The following IGF2R variants were observed in gnomAD, a reference collection of about 807,000 sequenced individuals.
IGF2R encodes the protein cation-independent mannose-6-phosphate receptor.
IGF2R carries 91 observed loss-of-function variants against 270.6 expected under a neutral mutation model. That is an observed-to-expected ratio of 0.34 (90% CI 0.28 to 0.40). The LOEUF (loss-of-function observed/expected upper bound fraction) is 0.40. Among genes scored for constraint, IGF2R ranks in the 10% least tolerant of loss-of-function variants. The pLI, the probability that IGF2R is intolerant of heterozygous loss-of-function variation, is 1.00. For synonymous variants in IGF2R, 1,316 were observed against 1,258.9 expected (o/e 1.05, Z -0.96); for missense variants, 2,805 against 3,188.3 (o/e 0.88, Z 2.90).
At chr6:160,056,395 T>G in intron 19 of IGF2R, 29 bp from the exon 20 acceptor site, 1 of 1,448,568 alleles carries the variant, frequency 6.9e-7, no homozygotes, top group Admixed American at 1.7e-5. Flanking sequence ...GTTACTGTAT[T>G]GACTTTTACC....
intron 45 of IGF2R, among the ~76,000 whole-genome samples, chr6:160,101,611 C>G (rs1041202607): frequency 6.6e-6 from 1 of 152,248 alleles, no homozygotes; most frequent in East Asian, 1.9e-4. Context: ...AGATGCGCCC[C>G]GCTGGGGTTG....
At chr6:159,996,543 G>A (rs1316136757) in intron 2 of IGF2R, among the ~76,000 whole-genome samples, 1 of 152,214 alleles carries the variant, frequency 6.6e-6, no homozygotes, top group Non-Finnish European at 1.5e-5. Flanking sequence ...AGGGGTAGCT[G>A]TGTAGAAGGT....
Position 160,073,995 on chromosome 6 carries a change from G to T in IGF2R, c.5166+20G>T. ...CCCATAGTAAGTATGACAAATCCAA[G>T]GGTGGAGATAATTTTTGCAAGACTT... On this transcript the variant is annotated intron_variant, in intron 35 of 47. Transcript: ENST00000356956. 3.8e-6 allele frequency: 6 copies of T among 1,570,954 alleles called. No homozygotes were observed. Among genetic ancestry groups the T allele is most frequent in the Non-Finnish European group, 5.2e-6 (6 of 1,148,044 alleles).
chr6:160,029,666 C>A lies in IGF2R; in HGVS notation c.882+11C>A. 2 of 1,575,456 alleles carry A rather than the reference C, an allele frequency of 1.3e-6. No individual in the cohort carries two copies. The highest frequency in any genetic ancestry group is 1.1e-5 in the South Asian group (1 of 90,184). On this transcript the variant is annotated intron_variant, in intron 7 of 47. Transcript: ENST00000356956. ...TCGGAGCGGAGAGAGGTAAGTGACT[C>A]GTCTCCTGATCACTAATGTGGCGCA... is the stretch of plus-strand genomic sequence containing the variant.
chr6:160,042,742 G>T (rs1389667536), intron 11 of IGF2R, among the ~76,000 whole-genome samples: 1 of 152,198 alleles, frequency 6.6e-6, no homozygotes, highest in Non-Finnish European at 1.5e-5. Flanking sequence ...GGCCGAGCGG[G>T]GTGTATTAGC....
chr6:159,970,021 C>T (rs555870033), intron 1 of IGF2R, among the ~76,000 whole-genome samples: 11 of 152,154 alleles, frequency 7.2e-5, no homozygotes, highest in African/African-American at 2.4e-4. Flanking sequence ...CCAGTGTGAG[C>T]TTTCAAGACT....
Position 159,998,276 on chromosome 6 carries a change from T to TA in IGF2R, c.289+6954dup. Among the ~76,000 whole-genome samples, 1 of 152,338 alleles carries TA rather than the reference T, an allele frequency of 6.6e-6. No individual in the cohort carries two copies. The highest frequency in any genetic ancestry group is 2.1e-4 in the South Asian group (1 of 4,832). ...AGTATGTCTTGAGTTTATGGTAGTATAGTATGGTATGGTATAGTGTAATAC... is the reference window on the plus strand; with the variant it reads ...AGTATGTCTTGAGTTTATGGTAGTATAAGTATGGTATGGTATAGTGTAATAC... On this transcript the variant is annotated intron_variant, in intron 2 of 47. Coordinates refer to ENST00000356956, the MANE Select transcript of IGF2R (RefSeq NM_000876.4). This position sits in a 1 kb window ranked among gnomAD's most constrained non-coding sequence, Gnocchi z 4.1.
chr6:160,062,073 A>G (rs1778451943), intron 25 of IGF2R, 145 bp downstream of exon 25: 3 of 716,934 alleles, frequency 4.2e-6, no homozygotes, highest in African/African-American at 3.6e-5. Flanking sequence ...ACGAGAATGC[A>G]CTCATTTCTT....
intron 31 of IGF2R, 82 bp downstream of exon 31, chr6:160,070,140 A>T: frequency 7.4e-7 from 1 of 1,355,598 alleles, no homozygotes; most frequent in Non-Finnish European, 1.0e-6. Context: ...GCACGTCCTC[A>T]TCTGCCTTGG....
chr6:160,100,399 G>A (rs1488314498), intron 45 of IGF2R, among the ~76,000 whole-genome samples: 1 of 152,066 alleles, frequency 6.6e-6, no homozygotes, highest in Non-Finnish European at 1.5e-5. Flanking sequence ...AATAAAGAGG[G>A]TCATTATAAT....
chr6:160,018,499 C>T lies in IGF2R; in HGVS notation c.514-6073C>T, dbSNP rs150027345. ...TAACAGATATTTATAGAACATTCTCCCCACAGCCGCAGAACATATATTCTT... is the reference window on the plus strand; with the variant it reads ...TAACAGATATTTATAGAACATTCTCTCCACAGCCGCAGAACATATATTCTT... On this transcript the variant is annotated intron_variant, in intron 4 of 47. Coordinates refer to ENST00000356956, the MANE Select transcript of IGF2R (RefSeq NM_000876.4). Among the ~76,000 whole-genome samples the T allele has an allele frequency of 3.8e-3, 584 of 152,058 alleles. 7 individuals are homozygous for T. Among genetic ancestry groups the T allele is most frequent in the Middle Eastern group, 0.017 (5 of 292 alleles).
At position 160,089,116 on chromosome 6, in the gene IGF2R, C is replaced by G. The variant is rs150265433; in HGVS notation, c.6330C>G (p.Ile2110Met). 1 of 1,613,028 alleles carries G rather than the reference C, an allele frequency of 6.2e-7. No homozygotes were observed. The highest frequency in any genetic ancestry group is 8.5e-7 in the Non-Finnish European group (1 of 1,179,410). ...VGRPAFKRFD[I>M]DSCTYYFSWD... is the part of the protein sequence containing the mutation. ...GCTTCCCTCCTCCTAGGTTTGATAT[C>G]GACAGCTGCACTTACTACTTCAGCT... The change falls in exon 43 of 48, where the codon ATC (isoleucine) becomes ATG (methionine). Residue 2110 changes from isoleucine to methionine, a missense_variant. Physicochemically the swap from Ile to Met is conservative, Grantham distance 10. Coordinates refer to ENST00000356956, the MANE Select transcript of IGF2R (RefSeq NM_000876.4).
rs1451549767 is a variant in IGF2R at position 160,045,851 on chromosome 6, G to A, written c.1872G>A (p.Gly624=). The A allele has an allele frequency of 1.9e-6, 3 of 1,601,024 alleles. No homozygotes were observed. The highest frequency in any genetic ancestry group is 2.6e-6 in the Non-Finnish European group (3 of 1,173,808). ...CCTGTGTGCTGTCTAAGACAGAAGG[G>A]GAGAACTGCACGGTCTTTGACTCCC... ...AAACVLSKTE[G]ENCTVFDSQA... Residue 624 remains glycine (G), a synonymous_variant, in exon 14 of 48, where the codon GGG becomes GGA. Coordinates refer to ENST00000356956, the MANE Select transcript of IGF2R (RefSeq NM_000876.4).
At chr6:160,068,065 GGTGTGTGT>G (rs879058804) in intron 29 of IGF2R, among the ~76,000 whole-genome samples, 176 bp from the exon 30 acceptor site, 8,078 of 77,402 alleles carry the variant, frequency 0.1, 492 homozygotes, top group East Asian at 0.38. Flanking sequence ...TCTGATGGGG[GGTGTGTGT>G]GTGTGTGTGT....
chr6:160,071,444 G>A (rs1252722128), intron 31 of IGF2R, among the ~76,000 whole-genome samples: 1 of 152,228 alleles, frequency 6.6e-6, no homozygotes, highest in Admixed American at 6.5e-5. Context: ...TTTGAGATGA[G>A]CAGAGTAAGC....
intron 45 of IGF2R, among the ~76,000 whole-genome samples, chr6:160,101,749 T>A (rs1248017730): frequency 3.9e-5 from 6 of 152,272 alleles, no homozygotes; most frequent in Non-Finnish European, 2.9e-5. Context: ...AGTGTCATCT[T>A]GCTCCCTAAG....
rs1009538769 is a variant in IGF2R, at chr6:160,085,137, G to T, written c.6205+6G>T. On this transcript the variant is annotated splice_donor_region_variant and intron_variant, in intron 41 of 47. Coordinates refer to ENST00000356956, the MANE Select transcript of IGF2R (RefSeq NM_000876.4). The stretch of plus-strand genomic sequence containing the variant: ...GCAGAAGCTGGGTGTCATAGGTAAG[G>T]CCTGTGGGTCCTGGTCCTTGGTTCA... 11 of 1,612,444 alleles carry T rather than the reference G, an allele frequency of 6.8e-6. No homozygotes were observed. The Admixed American group carries it at 1.2e-4, about 17-fold the overall frequency.
intron 45 of IGF2R, 59 bp downstream of exon 45, chr6:160,096,684 T>C: frequency 7.5e-7 from 1 of 1,332,804 alleles, no homozygotes; most frequent in Middle Eastern, 1.9e-4. Context: ...TAAGAATAAG[T>C]GTATGTGTGT....
Position 159,998,808 on chromosome 6 carries a change from G to A in IGF2R, c.289+7485G>A, listed in dbSNP as rs1361344252. ...TTCACAGTAGCATAGGGATAATCCC[G>A]AATCAAATCTAATTTGCATATACAA... On this transcript the variant is annotated intron_variant, in intron 2 of 47. Coordinates refer to ENST00000356956, the MANE Select transcript of IGF2R (RefSeq NM_000876.4). This position sits in a 1 kb window ranked among gnomAD's most constrained non-coding sequence, Gnocchi z 4.1. Among the ~76,000 whole-genome samples, 2 of 152,166 alleles carry A rather than the reference G, an allele frequency of 1.3e-5. No individual in the cohort carries two copies. The highest frequency in any genetic ancestry group is 1.9e-4 in the East Asian group (1 of 5,202).
Sources: gnomAD v4.1 joint callset for allele counts (sites outside exome capture counted in the v4.1 genomes callset) on GRCh38, gnomAD v4.1.1 for gene constraint, Gnocchi (gnomAD v3.1) non-coding constraint, MANE v1.5 for transcripts, NCBI Gene and HGNC (gene_info 2026-07-23, HGNC 2026-07-21) for gene names.